Variants in ADGRL3 observed in about 807,000 individuals in gnomAD.
ADGRL3 encodes adhesion G protein-coupled receptor L3.
ADGRL3 carries 62 observed loss-of-function variants against 153.5 expected under a neutral mutation model. That is an observed-to-expected ratio of 0.40 (90% CI 0.33 to 0.50). The LOEUF (loss-of-function observed/expected upper bound fraction) is 0.50. Among genes scored for constraint, ADGRL3 ranks in the 20% least tolerant of loss-of-function variants. The pLI is 0.47. For synonymous variants in ADGRL3, 710 were observed against 672.5 expected (o/e 1.06, Z -0.86); for missense variants, 1,641 against 1,859.4 (o/e 0.88, Z 2.16).
At chr4:61,931,870 G>A (rs2098818962) in intron 13 of ADGRL3, among the ~76,000 whole-genome samples, 1 of 151,986 alleles carries the variant, frequency 6.6e-6, no homozygotes, top group Non-Finnish European at 1.5e-5. Flanking sequence ...TTTTTTAGTT[G>A]CAAAACTAAG....
rs953301315 is a variant in ADGRL3 at position 61,202,911 on chromosome 4, C to A, written c.-240+1146C>A. 1.2e-4 allele frequency among the ~76,000 whole-genome samples: 18 copies of A among 152,300 alleles called. No homozygotes were observed. Among genetic ancestry groups the A allele is most frequent in the African/African-American group, 4.1e-4 (17 of 41,576 alleles). ...GATGCCGGAGCTGATGCTGCTGGAGCTGAGCTTGCTTATTGAAATCGCCTG... is the reference window on the plus strand; with the variant it reads ...GATGCCGGAGCTGATGCTGCTGGAGATGAGCTTGCTTATTGAAATCGCCTG... On this transcript the variant is annotated intron_variant, in intron 1 of 26. Transcript: ENST00000683033. The surrounding 1 kb of genome is among the most constrained non-coding windows in gnomAD (Gnocchi z 5.0).
At position 62,070,672 on chromosome 4, in the gene ADGRL3, G is replaced by A. The variant is rs1560581815; in HGVS notation, c.4396G>A (p.Glu1466Lys). 1 of 1,551,558 alleles carries A rather than the reference G, an allele frequency of 6.4e-7. No individual in the cohort carries two copies. Among genetic ancestry groups the A allele is most frequent in the Admixed American group, 2.0e-5 (1 of 51,000 alleles). The change falls in exon 27 of 27, where the codon GAG (glutamate) becomes AAG (lysine). Residue 1466 changes from glutamate (E) to lysine (K), a missense_variant. Glu to Lys is a moderately conservative substitution (Grantham distance 56, BLOSUM62 1). This residue lies in a region of ADGRL3 where 517 missense variants were observed against 555.0 expected (regional missense o/e 0.93). Transcript: ENST00000683033. ...MPTLAGVAAT[E>K]SVTTSTQTEP... ...GACACTGGCTGGTGTGGCCGCCACAGAGAGTGTTACCACCAGCACCCAGAC... is the reference window on the plus strand; with the variant it reads ...GACACTGGCTGGTGTGGCCGCCACAAAGAGTGTTACCACCAGCACCCAGAC...
intron 1 of ADGRL3, among the ~76,000 whole-genome samples, chr4:61,327,943 T>C (rs555462181): frequency 6.6e-6 from 1 of 152,142 alleles, no homozygotes; most frequent in South Asian, 2.1e-4. Flanking sequence ...GAAATTGCTA[T>C]TAAGACTGTC....
chr4:61,512,689 T>A lies in ADGRL3; in HGVS notation c.56-4626T>A, dbSNP rs188547551. Among the ~76,000 whole-genome samples the A allele has an allele frequency of 4.6e-5, 7 of 152,226 alleles. No homozygotes were observed. The East Asian group carries it at 1.2e-3, about 25-fold the overall frequency. On this transcript the variant is annotated intron_variant, in intron 3 of 26. Coordinates refer to ENST00000683033, the MANE Select transcript of ADGRL3 (RefSeq NM_001387552.1). ...GAAATATTATGAAATGTGATTATCA[T>A]TTTATATAGAGATAGAGAACTGTTT...
At chr4:61,252,406 A>T (rs1469660007) in intron 1 of ADGRL3, among the ~76,000 whole-genome samples, 1 of 152,170 alleles carries the variant, frequency 6.6e-6, no homozygotes, top group African/African-American at 2.4e-5. Flanking sequence ...AAAAGATTTG[A>T]AAAAAAGTGA....
chr4:61,519,039 A>T (rs2098514748), intron 4 of ADGRL3, among the ~76,000 whole-genome samples: 1 of 152,170 alleles, frequency 6.6e-6, no homozygotes, highest in African/African-American at 2.4e-5. Context: ...CTGTACATTC[A>T]TCGGACTTTC....
intron 25 of ADGRL3, among the ~76,000 whole-genome samples, chr4:62,055,576 A>G (rs1410964480): frequency 6.6e-6 from 1 of 151,826 alleles, no homozygotes; most frequent in African/African-American, 2.4e-5. Flanking sequence ...CTGTAATGTC[A>G]TTGTTCAAAT....
At chr4:61,484,946 G>A (rs756347771) in intron 2 of ADGRL3, among the ~76,000 whole-genome samples, 45 of 152,040 alleles carry the variant, frequency 3.0e-4, no homozygotes, top group Non-Finnish European at 3.2e-4. Context: ...ATGTGTCTTT[G>A]TAAACTTACC....
chr4:61,909,745 G>A lies in ADGRL3; in HGVS notation c.2073G>A (p.Lys691=), dbSNP rs755529749. 1 of 1,536,930 alleles carries A rather than the reference G, an allele frequency of 6.5e-7. No homozygotes were observed. The highest frequency in any genetic ancestry group is 8.8e-7 in the Non-Finnish European group (1 of 1,140,346). The change falls in exon 12 of 27, where the codon AAG becomes AAA. Residue 691 remains lysine (K), a splice_region_variant and synonymous_variant. Coordinates refer to ENST00000683033, the MANE Select transcript of ADGRL3 (RefSeq NM_001387552.1). The part of the protein sequence containing the change: ...GKDSAARSLN[K]LQKRERSCRA... ...ATAGTGCTGCCCGGAGTTTGAACAA[G>A]GTAAGGACCCTAATTATGTGTGTGT...
chr4:61,856,947 CTTCTCTTTCTTTCTTTCTTTCT>C (rs1561367748), intron 9 of ADGRL3, among the ~76,000 whole-genome samples: 9 of 77,986 alleles, frequency 1.2e-4, no homozygotes, highest in African/African-American at 4.2e-4. Flanking sequence ...CCTCTTTCTT[CTTCTCTTTCTTTCTTTCTTTCT>C]TTCTTTCTTT....
intron 11 of ADGRL3, among the ~76,000 whole-genome samples, chr4:61,904,089 A>T (rs983522116): frequency 8.1e-5 from 12 of 148,532 alleles, no homozygotes; most frequent in African/African-American, 3.0e-4. Context: ...TTTATAACCT[A>T]TTTCACTTCA....
chr4:61,871,590 A>G (rs2098445937), intron 9 of ADGRL3, among the ~76,000 whole-genome samples: 1 of 152,166 alleles, frequency 6.6e-6, no homozygotes, highest in Admixed American at 6.5e-5. Flanking sequence ...TAGAAAGTAG[A>G]TTAGTTATTT....
At chr4:61,894,649 A>G (rs1344259620) in intron 10 of ADGRL3, among the ~76,000 whole-genome samples, 1 of 152,168 alleles carries the variant, frequency 6.6e-6, no homozygotes, top group African/African-American at 2.4e-5. Context: ...ATTGGAAAAG[A>G]TATTTTCTGA....
At chr4:61,603,371 A>G (rs1251717090) in intron 5 of ADGRL3, among the ~76,000 whole-genome samples, 6 of 152,150 alleles carry the variant, frequency 3.9e-5, no homozygotes, top group African/African-American at 9.7e-5. Context: ...TTTGTTACCA[A>G]TGAGTTACAC....
intron 21 of ADGRL3, among the ~76,000 whole-genome samples, chr4:62,011,306 T>C (rs913758285): frequency 3.3e-5 from 5 of 152,136 alleles, no homozygotes; most frequent in Admixed American, 2.6e-4. Flanking sequence ...ACTTGGGAAT[T>C]TTTTTAGTAA....
At chr4:62,051,349 A>G (rs1560555755) in intron 25 of ADGRL3, among the ~76,000 whole-genome samples, 1 of 151,516 alleles carries the variant, frequency 6.6e-6, no homozygotes, top group Non-Finnish European at 1.5e-5. Context: ...AGATAATTAA[A>G]CAAGGCTGTT....
chr4:61,756,460 CA>C (rs1325414680), intron 8 of ADGRL3, among the ~76,000 whole-genome samples: 19 of 152,256 alleles, frequency 1.2e-4, no homozygotes, highest in African/African-American at 3.9e-4. Flanking sequence ...GATTTTTGCA[CA>C]TTGATTTTGT....
chr4:62,064,474 A>G (rs953213191), intron 25 of ADGRL3, among the ~76,000 whole-genome samples: 2 of 152,212 alleles, frequency 1.3e-5, no homozygotes, highest in East Asian at 1.9e-4. Context: ...AGAAACCACA[A>G]GAGAAAATTA....
intron 6 of ADGRL3, among the ~76,000 whole-genome samples, chr4:61,714,519 G>A (rs113981327): frequency 7.9e-5 from 12 of 152,246 alleles, no homozygotes; most frequent in African/African-American, 2.6e-4. Flanking sequence ...CATCTCAAAT[G>A]CCTTCTATTT....
Sources: gnomAD v4.1 joint callset for allele counts (sites outside exome capture counted in the v4.1 genomes callset) on GRCh38, gnomAD v4.1.1 for gene constraint, gnomAD v4.1.1 regional missense constraint, Gnocchi (gnomAD v3.1) non-coding constraint, MANE v1.5 for transcripts, NCBI Gene and HGNC (gene_info 2026-07-23, HGNC 2026-07-21) for gene names.